STPG2: variants seen among roughly 807,000 people sequenced by gnomAD.
STPG2 encodes the protein sperm tail PG-rich repeat containing 2, also known as sperm-tail PG-rich repeat-containing protein 2.
In STPG2, 56 loss-of-function variants were observed where a neutral mutation model predicts 54.2. The observed-to-expected ratio is 1.03, with a 90% CI of 0.83 to 1.29. The LOEUF (loss-of-function observed/expected upper bound fraction) is 1.29. Among genes scored for constraint, STPG2 ranks in the 50% most tolerant of loss-of-function variants. The pLI is 0.00. For missense variants in STPG2, 596 were observed against 544.9 expected (o/e 1.09, Z -0.93); for synonymous variants, 200 against 181.8 (o/e 1.10, Z -0.81).
At chr4:97,813,285 T>C (rs1307137852) in intron 9 of STPG2, among the ~76,000 whole-genome samples, 1 of 152,094 alleles carries the variant, frequency 6.6e-6, no homozygotes, top group East Asian at 1.9e-4. Context: ...TCAGGTACTA[T>C]GCTCACTACC....
intron 5 of STPG2, among the ~76,000 whole-genome samples, chr4:97,983,505 G>A (rs1734739886): frequency 6.6e-6 from 1 of 152,130 alleles, no homozygotes; most frequent in African/African-American, 2.4e-5. Flanking sequence ...ACTCATGAAT[G>A]CCAATGTTAA....
chr4:97,682,153 T>A (rs1220816623), intron 10 of STPG2, among the ~76,000 whole-genome samples: 1 of 151,652 alleles, frequency 6.6e-6, no homozygotes, highest in East Asian at 1.9e-4. Context: ...ATTATATAGG[T>A]CACAGTAAAC....
intron 5 of STPG2, among the ~76,000 whole-genome samples, chr4:98,018,833 T>C (rs1736065828): frequency 6.6e-6 from 1 of 152,102 alleles, no homozygotes; most frequent in Non-Finnish European, 1.5e-5. Flanking sequence ...GAAGTGTCTT[T>C]TCATATCCTT....
chr4:97,451,494 C>A (rs534822814), intron 4 of STPG2, among the ~76,000 whole-genome samples: 128 of 152,030 alleles, frequency 8.4e-4, no homozygotes, highest in African/African-American at 2.8e-3. Flanking sequence ...AAATAGAGAT[C>A]TTTTTTATAA....
At chr4:97,514,505 T>C (rs985572993) in intron 4 of STPG2, among the ~76,000 whole-genome samples, 2 of 152,136 alleles carry the variant, frequency 1.3e-5, no homozygotes, top group Non-Finnish European at 1.5e-5. Flanking sequence ...TAATTTCTCA[T>C]GAAGAAGAAA....
At position 97,678,556 on chromosome 4, in the gene STPG2, C is replaced by A. The variant is rs573242006; in HGVS notation, c.1320+34143G>T. Among the ~76,000 whole-genome samples the A allele has an allele frequency of 3.3e-5, 5 of 152,158 alleles. No individual in the cohort carries two copies. The East Asian group carries it at 9.6e-4, about 29-fold the overall frequency. Reference sequence around the variant, plus strand: ...ACTTTTTTCGTAACCCATAGTATCACAGGAATAGACACTATTATCATGCCC... The same window carrying A: ...ACTTTTTTCGTAACCCATAGTATCAAAGGAATAGACACTATTATCATGCCC... On this transcript the variant is annotated intron_variant, in intron 10 of 10. Coordinates refer to ENST00000295268, the MANE Select transcript of STPG2 (RefSeq NM_174952.3).
intron 9 of STPG2, among the ~76,000 whole-genome samples, chr4:97,828,036 A>C (rs1362449320): frequency 1.3e-5 from 2 of 152,210 alleles, no homozygotes. Flanking sequence ...TTTATGGAAC[A>C]AAGTTCCATC....
chr4:97,460,094 G>A (rs1729624553), intron 4 of STPG2, among the ~76,000 whole-genome samples: 1 of 152,158 alleles, frequency 6.6e-6, no homozygotes, highest in South Asian at 2.1e-4. Context: ...ATTAGCTACA[G>A]TGGTTATAGA....
At chr4:97,925,065 C>T (rs1732283283) in intron 8 of STPG2, among the ~76,000 whole-genome samples, 1 of 152,080 alleles carries the variant, frequency 6.6e-6, no homozygotes, top group Admixed American at 6.5e-5. Flanking sequence ...ATGTTATCAA[C>T]CAAAGAGTAA....
chr4:97,830,086 G>A (rs975485797), intron 9 of STPG2, among the ~76,000 whole-genome samples: 3 of 152,052 alleles, frequency 2.0e-5, no homozygotes, highest in African/African-American at 7.2e-5. Context: ...ATTCACCAAG[G>A]ATGACATGAA....
chr4:97,881,843 T>C (rs923161523), intron 8 of STPG2, among the ~76,000 whole-genome samples: 6 of 152,188 alleles, frequency 3.9e-5, no homozygotes, highest in Non-Finnish European at 8.8e-5. Flanking sequence ...TCACCCTTGG[T>C]TAGTCAGACT....
intron 9 of STPG2, among the ~76,000 whole-genome samples, chr4:97,795,113 A>G (rs1265574620): frequency 6.6e-6 from 1 of 152,038 alleles, no homozygotes; most frequent in African/African-American, 2.4e-5. Flanking sequence ...GATTCTCTGA[A>G]TTTCTATGAT....
At chr4:97,441,250 T>C (rs1156414185) in intron 4 of STPG2, among the ~76,000 whole-genome samples, 3 of 152,112 alleles carry the variant, frequency 2.0e-5, no homozygotes, top group African/African-American at 7.2e-5. Context: ...AAGAAAGGCT[T>C]TTCATCAGAT....
chr4:97,664,391 T>C (rs1318168447), intron 10 of STPG2, among the ~76,000 whole-genome samples: 1 of 152,202 alleles, frequency 6.6e-6, no homozygotes, highest in Non-Finnish European at 1.5e-5. Flanking sequence ...CAGTCTAATA[T>C]AAGCCAGGCA....
At chr4:98,021,555 T>G (rs1234639114) in intron 5 of STPG2, among the ~76,000 whole-genome samples, 2 of 152,118 alleles carry the variant, frequency 1.3e-5, no homozygotes, top group Non-Finnish European at 2.9e-5. Flanking sequence ...GAGCTGAGTT[T>G]AATTCCTGGG....
chr4:97,928,977 A>G (rs1196730512), intron 8 of STPG2, among the ~76,000 whole-genome samples: 2 of 152,042 alleles, frequency 1.3e-5, no homozygotes, highest in Non-Finnish European at 2.9e-5. Context: ...ATATTTCACA[A>G]CCCAGGTATT....
At chr4:97,873,790 T>G (rs1433951899) in intron 8 of STPG2, among the ~76,000 whole-genome samples, 1 of 151,608 alleles carries the variant, frequency 6.6e-6, no homozygotes, top group African/African-American at 2.4e-5. Context: ...TCTTGCAAAA[T>G]TAAAATTCTA....
intron 10 of STPG2, among the ~76,000 whole-genome samples, chr4:97,691,329 G>T (rs1332319006): frequency 2.0e-5 from 3 of 152,098 alleles, no homozygotes; most frequent in Non-Finnish European, 2.9e-5. Flanking sequence ...TGCTGTTGTG[G>T]GGGCATGATG....
chr4:97,876,153 T>C (rs1025925676), intron 8 of STPG2, among the ~76,000 whole-genome samples: 2 of 152,026 alleles, frequency 1.3e-5, no homozygotes, highest in African/African-American at 2.4e-5. Flanking sequence ...AATTAGGACA[T>C]TAGTGGAACT....
Sources: gnomAD v4.1 joint callset for allele counts (sites outside exome capture counted in the v4.1 genomes callset) on GRCh38, gnomAD v4.1.1 for gene constraint, MANE v1.5 for transcripts, NCBI Gene and HGNC (gene_info 2026-07-23, HGNC 2026-07-21) for gene names.